Variants in TMTC3 observed in about 807,000 individuals in gnomAD.
TMTC3 encodes the protein protein O-mannosyl-transferase TMTC3.
In TMTC3, 52 loss-of-function variants were observed where a neutral mutation model predicts 92.2. That is an observed-to-expected ratio of 0.56 (90% CI 0.45 to 0.71). The LOEUF is 0.71. Among genes scored for constraint, TMTC3 ranks in the 30% least tolerant of loss-of-function variants. TMTC3 has a pLI of 0.00. For missense variants in TMTC3, 896 were observed against 1,057.1 expected (o/e 0.85, Z 2.11); for synonymous variants, 339 against 363.3 (o/e 0.93, Z 0.76).
chr12:88,165,867 T>C (rs1431301358), intron 6 of TMTC3, among the ~76,000 whole-genome samples: 1 of 152,138 alleles, frequency 6.6e-6, no homozygotes, highest in Non-Finnish European at 1.5e-5. Context: ...TACGAATTTT[T>C]TCCAGGAAGC....
intron 6 of TMTC3, among the ~76,000 whole-genome samples, chr12:88,164,712 A>C (rs189321960): frequency 4.3e-4 from 65 of 152,296 alleles, no homozygotes; most frequent in African/African-American, 1.4e-3. Flanking sequence ...ACATGCAAGA[A>C]CTTTTATTTT....
chr12:88,192,514 A>T (rs2041455702), intron 12 of TMTC3, 90 bp from the exon 13 acceptor site: 2 of 853,316 alleles, frequency 2.3e-6, no homozygotes, highest in Non-Finnish European at 3.7e-6. Context: ...AAAAAGCTGT[A>T]TGTGGAAAGG....
chr12:88,188,682 G>A (rs981259175), intron 10 of TMTC3, among the ~76,000 whole-genome samples, 161 bp from the exon 11 acceptor site: 4 of 152,140 alleles, frequency 2.6e-5, no homozygotes, highest in Non-Finnish European at 5.9e-5. Context: ...CCTGTTGCCT[G>A]CTTTTGCATT....
At chr12:88,144,843 A>AC in intron 1 of TMTC3, among the ~76,000 whole-genome samples, 1 of 152,312 alleles carries the variant, frequency 6.6e-6, no homozygotes. Context: ...CTAGTTCAAT[A>AC]ACTCACTGTA....
At chr12:88,158,552 G>T (rs999447872) in intron 4 of TMTC3, among the ~76,000 whole-genome samples, 3 of 150,884 alleles carry the variant, frequency 2.0e-5, no homozygotes, top group African/African-American at 4.9e-5. Context: ...CATGGGTTTG[G>T]TTTTTTTCAT....
At chr12:88,143,763 G>T (rs1237754884) in intron 1 of TMTC3, among the ~76,000 whole-genome samples, 1 of 152,150 alleles carries the variant, frequency 6.6e-6, no homozygotes, top group Non-Finnish European at 1.5e-5. Flanking sequence ...CCAGGAGAGG[G>T]CTCCTGGATC....
chr12:88,190,546 C>T lies in TMTC3; in HGVS notation c.1630C>T (p.Arg544Ter), dbSNP rs2138439967. The T allele has an allele frequency of 5.6e-6, 9 of 1,613,824 alleles. No individual in the cohort carries two copies. Among genetic ancestry groups the T allele is most frequent in the South Asian group, 2.2e-5 (2 of 91,078 alleles). ...TAACCTGATCCGAGCAAATGAGTCC[C>T]GACTGGAAGAAGCAGATCAGCTGTA... ...LANLIRANESRLEEADQLYRQ... is the reference protein window; with the variant it reads ...LANLIRANES Residue 544 changes from arginine to a stop codon, truncating the protein, a stop_gained, in exon 12 of 14, where the codon CGA becomes TGA. Coordinates refer to ENST00000266712, the MANE Select transcript of TMTC3 (RefSeq NM_181783.4). LOFTEE classifies it high-confidence loss of function.
At chr12:88,187,765 T>C (rs1001393374) in intron 10 of TMTC3, among the ~76,000 whole-genome samples, 1 of 152,174 alleles carries the variant, frequency 6.6e-6, no homozygotes, top group Non-Finnish European at 1.5e-5. Context: ...CAAAGAATTA[T>C]TGCACAATTG....
At chr12:88,177,152 C>T (rs1300464256) in intron 10 of TMTC3, among the ~76,000 whole-genome samples, 1 of 151,790 alleles carries the variant, frequency 6.6e-6, no homozygotes, top group African/African-American at 2.4e-5. Context: ...ATGGTGAAAC[C>T]CCATCTCTAC....
intron 2 of TMTC3, among the ~76,000 whole-genome samples, chr12:88,152,205 C>T (rs905253566): frequency 2.0e-5 from 3 of 152,144 alleles, no homozygotes; most frequent in East Asian, 3.9e-4. Flanking sequence ...ATGGCAACAG[C>T]GTCTTCTTGG....
chr12:88,161,375 G>T (rs1421530047), intron 6 of TMTC3, among the ~76,000 whole-genome samples: 1 of 152,000 alleles, frequency 6.6e-6, no homozygotes, highest in Non-Finnish European at 1.5e-5. Context: ...TCTTATCACA[G>T]CTGTCTTTCG....
intron 10 of TMTC3, among the ~76,000 whole-genome samples, chr12:88,187,757 A>G (rs1260247608): frequency 6.6e-6 from 1 of 152,332 alleles, no homozygotes; most frequent in East Asian, 1.9e-4. Context: ...GTTGCAGGCA[A>G]AGAATTATTG....
At chr12:88,145,628 T>A (rs551656855) in intron 1 of TMTC3, among the ~76,000 whole-genome samples, 1 of 152,006 alleles carries the variant, frequency 6.6e-6, no homozygotes, top group South Asian at 2.1e-4. Flanking sequence ...GAAAAATCCA[T>A]TGGAAGAGAA....
intron 13 of TMTC3, among the ~76,000 whole-genome samples, chr12:88,194,361 T>C (rs1251592794): frequency 6.6e-6 from 1 of 152,210 alleles, no homozygotes; most frequent in South Asian, 2.1e-4. Context: ...AGCTTTTTTC[T>C]ACCCAGTAAT....
At chr12:88,170,248 TATGCATCAGTCTACA>T (rs765035655) in intron 7 of TMTC3, among the ~76,000 whole-genome samples, 53 of 152,212 alleles carry the variant, frequency 3.5e-4, no homozygotes, top group Non-Finnish European at 6.6e-4. Context: ...TTGTATAGTT[TATGCATCAGTCTACA>T]ATACACTTTT....
intron 4 of TMTC3, among the ~76,000 whole-genome samples, chr12:88,158,292 C>G (rs923646389): frequency 1.3e-5 from 2 of 152,132 alleles, no homozygotes; most frequent in African/African-American, 4.8e-5. Flanking sequence ...TACTCTCACC[C>G]CTATTTATTT....
Position 88,197,523 on chromosome 12 carries a change from T to C in TMTC3, c.*1874T>C, listed in dbSNP as rs942436727. Reference sequence around the variant, plus strand: ...GAGTGTGATCTCTCTTTTGCCATAGTATCAAGTGGAGGGTAGTTCAGAAAA... The same window carrying C: ...GAGTGTGATCTCTCTTTTGCCATAGCATCAAGTGGAGGGTAGTTCAGAAAA... On this transcript the variant is annotated 3_prime_UTR_variant, in exon 14 of 14. Transcript: ENST00000266712. The C allele has an allele frequency of 1.3e-5, 2 of 152,288 alleles. No homozygotes were observed. The highest frequency in any genetic ancestry group is 2.9e-5 in the Non-Finnish European group (2 of 67,874). 9.4% of individuals were successfully genotyped at this position (152,288 alleles called of 1,614,324 possible).
In TMTC3 at chr12:88,172,619, C is replaced by T. The variant is rs2041217316; in HGVS notation, c.1073C>T (p.Pro358Leu). The change falls in exon 8 of 14, where the codon CCA (proline) becomes CTA (leucine). Residue 358 changes from proline to leucine, a missense_variant. Physicochemically the swap from Pro to Leu is moderately conservative, Grantham distance 98. Transcript: ENST00000266712. ...VLMALCLMALPFIPASNLFFP... is the reference protein window; with the variant it reads ...VLMALCLMALLFIPASNLFFP... ...TAGGCGCTTTGTTTAATGGCATTAC[C>T]ATTTATTCCTGCATCGAACCTTTTT... 6.7e-7 allele frequency: 1 copy of T among 1,483,390 alleles called. No individual in the cohort carries two copies. The highest frequency in any genetic ancestry group is 9.0e-7 in the Non-Finnish European group (1 of 1,116,060). The allele number at this position is 1,483,390 out of a possible 1,614,324, so 91.9% of individuals were successfully genotyped here.
chr12:88,176,272 TTG>T lies in TMTC3; in HGVS notation c.1386_1387del (p.Phe462LeufsTer17). The T allele has an allele frequency of 6.2e-7, 1 of 1,612,436 alleles. No homozygotes were observed. Among genetic ancestry groups the T allele is most frequent in the South Asian group, 1.1e-5 (1 of 90,864 alleles). Reference sequence around the variant, plus strand: ...CATGCTCTGGAAAATGAAAAGAACTTTGAGAGAGCTTTGAAATACTTCTTACA... The same window carrying T: ...CATGCTCTGGAAAATGAAAAGAACTTAGAGAGCTTTGAAATACTTCTTACA... On this transcript the variant is annotated frameshift_variant, in exon 10 of 14. Transcript: ENST00000266712. LOFTEE classifies it high-confidence loss of function.
Sources: gnomAD v4.1 joint callset for allele counts (sites outside exome capture counted in the v4.1 genomes callset) on GRCh38, gnomAD v4.1.1 for gene constraint, MANE v1.5 for transcripts, NCBI Gene and HGNC (gene_info 2026-07-23, HGNC 2026-07-21) for gene names.